The following KCNMA1 variants were observed in gnomAD, a reference collection of about 807,000 sequenced individuals.
The protein encoded by KCNMA1 is potassium calcium-activated channel subfamily M alpha 1.
Under a neutral mutation model 140.0 loss-of-function variants are expected in KCNMA1, and 29 were observed. The observed-to-expected ratio is 0.21, with a 90% CI of 0.15 to 0.28. The LOEUF (loss-of-function observed/expected upper bound fraction) is 0.28. Ranked by LOEUF, KCNMA1 falls within the 10% of genes least tolerant of loss-of-function variation. The pLI, the probability that KCNMA1 is intolerant of heterozygous loss-of-function variation, is 1.00. For missense variants in KCNMA1, 880 were observed against 1,602.2 expected, an observed-to-expected ratio of 0.55 and a Z score of 7.70; for synonymous variants, 612 against 611.9, an observed-to-expected ratio of 1.00 and a Z score of 0.00.
chr10:77,212,995 G>A (rs951957694), intron 3 of KCNMA1, among the ~76,000 whole-genome samples: 2 of 151,940 alleles, frequency 1.3e-5, no homozygotes, highest in African/African-American at 4.8e-5. Context: ...GACAATTGCC[G>A]ACGTATGCAT....
At chr10:77,091,384 G>A (rs1595768992) in intron 9 of KCNMA1, 1 of 152,268 alleles carries the variant, frequency 6.6e-6, no homozygotes, top group African/African-American at 2.4e-5. Flanking sequence ...GAGACTGACA[G>A]TCCCTCCAAC....
chr10:77,627,698 G>C (rs771894229), intron 1 of KCNMA1, among the ~76,000 whole-genome samples: 23 of 152,180 alleles, frequency 1.5e-4, no homozygotes, highest in Non-Finnish European at 2.9e-4. Flanking sequence ...ATCCACCAAG[G>C]CTTGTTCTGC....
At chr10:77,199,936 A>C (rs1008949642) in intron 3 of KCNMA1, among the ~76,000 whole-genome samples, 1 of 152,004 alleles carries the variant, frequency 6.6e-6, no homozygotes, top group Non-Finnish European at 1.5e-5. Context: ...ACAGAAGTTT[A>C]TTTATTTTTT....
intron 22 of KCNMA1, among the ~76,000 whole-genome samples, chr10:76,946,252 G>A (rs1393779140): frequency 1.3e-5 from 2 of 152,122 alleles, no homozygotes; most frequent in African/African-American, 2.4e-5. Context: ...GCTCCCCAGT[G>A]GCCACGCGGC....
At chr10:77,514,240 T>TGA (rs2049481274) in intron 1 of KCNMA1, among the ~76,000 whole-genome samples, 1 of 152,204 alleles carries the variant, frequency 6.6e-6, no homozygotes, top group Admixed American at 6.5e-5. Context: ...ACAGGTGTGC[T>TGA]GGTCTGCCCC....
At chr10:77,277,738 A>G (rs1483187867) in intron 2 of KCNMA1, among the ~76,000 whole-genome samples, 1 of 152,216 alleles carries the variant, frequency 6.6e-6, no homozygotes, top group Non-Finnish European at 1.5e-5. Context: ...GCAAAGTGTC[A>G]TGGTCTTTCA....
At chr10:77,223,918 A>G (rs1427421209) in intron 3 of KCNMA1, among the ~76,000 whole-genome samples, 1 of 152,144 alleles carries the variant, frequency 6.6e-6, no homozygotes, top group Admixed American at 6.5e-5. Flanking sequence ...CTGCCACGAG[A>G]GAAGTTCCAG....
At chr10:77,324,965 CTCTCTCTGTGTGTG>C (rs1304171111) in intron 2 of KCNMA1, among the ~76,000 whole-genome samples, 1 of 106,090 alleles carries the variant, frequency 9.4e-6, no homozygotes, top group Admixed American at 9.8e-5. Flanking sequence ...CTCTCTCTCT[CTCTCTCTGTGTGTG>C]TGTGTGTGTG....
intron 2 of KCNMA1, among the ~76,000 whole-genome samples, chr10:77,400,047 C>T (rs7092786): frequency 0.025 from 3,835 of 152,244 alleles, 155 homozygotes; most frequent in African/African-American, 0.087. Context: ...AAAATTGAAA[C>T]GGGAAACTGA....
chr10:77,522,308 T>C (rs1302667286), intron 1 of KCNMA1, among the ~76,000 whole-genome samples: 3 of 152,282 alleles, frequency 2.0e-5, no homozygotes, highest in African/African-American at 7.2e-5. Flanking sequence ...GAAGGGGTCC[T>C]GCAATGGGGC....
At chr10:77,606,653 G>A (rs964161565) in intron 1 of KCNMA1, among the ~76,000 whole-genome samples, 40 of 152,064 alleles carry the variant, frequency 2.6e-4, no homozygotes, top group South Asian at 1.0e-3. Flanking sequence ...CCAGAAAGAC[G>A]TCTGTATCTG....
intron 2 of KCNMA1, among the ~76,000 whole-genome samples, chr10:77,296,370 T>C (rs981258131): frequency 6.6e-6 from 1 of 152,174 alleles, no homozygotes; most frequent in African/African-American, 2.4e-5. Context: ...TGCTGACACT[T>C]TGACTTTAGC....
intron 19 of KCNMA1, among the ~76,000 whole-genome samples, chr10:76,981,256 C>G (rs2079345175): frequency 6.6e-6 from 1 of 152,230 alleles, no homozygotes; most frequent in Non-Finnish European, 1.5e-5. Flanking sequence ...AGCCTTGCAT[C>G]TCATTCAACT....
chr10:76,950,370 T>C (rs1351592866), intron 21 of KCNMA1, among the ~76,000 whole-genome samples: 1 of 152,156 alleles, frequency 6.6e-6, no homozygotes. Context: ...AGTGTCTTCC[T>C]CCAACTCCAA....
At chr10:77,136,091 T>TA (rs2098017185) in intron 5 of KCNMA1, among the ~76,000 whole-genome samples, 1 of 152,238 alleles carries the variant, frequency 6.6e-6, no homozygotes, top group African/African-American at 2.4e-5. Context: ...TATAAACTGA[T>TA]AAAACCTTTT....
intron 2 of KCNMA1, among the ~76,000 whole-genome samples, chr10:77,332,539 G>A (rs1335138365): frequency 1.3e-5 from 2 of 150,824 alleles, no homozygotes; most frequent in Non-Finnish European, 2.9e-5. Context: ...ACCTGCTGCT[G>A]TTACCCTAGT....
intron 1 of KCNMA1, among the ~76,000 whole-genome samples, chr10:77,514,181 C>T (rs941609157): frequency 3.9e-5 from 6 of 152,216 alleles, no homozygotes; most frequent in Non-Finnish European, 7.3e-5. Context: ...CTCAGGGTCC[C>T]GAGGGCCTGG....
At chr10:77,236,419 C>T (rs2055477650) in intron 3 of KCNMA1, among the ~76,000 whole-genome samples, 1 of 152,180 alleles carries the variant, frequency 6.6e-6, no homozygotes, top group Non-Finnish European at 1.5e-5. Context: ...CGTGCCAAAC[C>T]TGCAGTTGAT....
rs1488317285 is a variant in KCNMA1 at position 77,134,727 on chromosome 10, A to G, written c.809-13679T>C. ...AACCGAGTGAAGAGAGGCGGGGCGC[A>G]GTGGCTCACGCCTGTAATCCCAGCA... is the stretch of plus-strand genomic sequence containing the variant. On this transcript the variant is annotated intron_variant, in intron 5 of 27. Coordinates refer to ENST00000286628, the MANE Select transcript of KCNMA1 (RefSeq NM_001161352.2). Among the ~76,000 whole-genome samples the G allele has an allele frequency of 3.3e-5, 5 of 152,096 alleles. No individual in the cohort carries two copies. In the South Asian group the frequency reaches 8.3e-4, roughly 25 times the overall value.
Sources: allele counts gnomAD v4.1 joint callset (sites outside exome capture counted in the v4.1 genomes callset), GRCh38; gene constraint gnomAD v4.1.1; transcripts MANE v1.5; gene names NCBI Gene and HGNC (gene_info 2026-07-23, HGNC 2026-07-21).